The following CC2D2A variants were observed in gnomAD, a reference collection of about 807,000 sequenced individuals.
The protein encoded by CC2D2A is coiled-coil and C2 domain containing 2A, also known as coiled-coil and C2 domain-containing protein 2A.
In CC2D2A, 155 loss-of-function variants were observed where a neutral mutation model predicts 212.9. That is an observed-to-expected ratio of 0.73 (90% CI 0.64 to 0.83). CC2D2A has a LOEUF of 0.83. Among genes scored for constraint, CC2D2A ranks in the 40% least tolerant of loss-of-function variants. The pLI, the probability that CC2D2A is intolerant of heterozygous loss-of-function variation, is 0.00. For synonymous variants in CC2D2A, 667 were observed against 686.5 expected (o/e 0.97, Z 0.44); for missense variants, 1,856 against 1,956.2 (o/e 0.95, Z 0.97).
At chr4:15,516,067 C>T in intron 10 of CC2D2A, 63 bp downstream of exon 10, 1 of 1,433,400 alleles carries the variant, frequency 7.0e-7, no homozygotes, top group Non-Finnish European at 9.2e-7. Flanking sequence ...TTTTATTTTC[C>T]TAACAGGGCA....
At chr4:15,481,251 G>A (rs1029456472) in intron 4 of CC2D2A, 1 of 454,624 alleles carries the variant, frequency 2.2e-6, no homozygotes, top group African/African-American at 2.0e-5. Flanking sequence ...ACTCACGTCT[G>A]TAATCCCAGC....
chr4:15,501,796 A>G (rs1332056014), intron 4 of CC2D2A, among the ~76,000 whole-genome samples: 1 of 152,206 alleles, frequency 6.6e-6, no homozygotes, highest in Non-Finnish European at 1.5e-5. Context: ...CCTCACAAAG[A>G]TAGCAGAAAA....
chr4:15,597,428 C>A lies in CC2D2A; in HGVS notation c.4459C>A (p.Arg1487Ser). The change falls in exon 35 of 37, where the codon CGC (arginine) becomes AGC (serine). Residue 1487 changes from arginine (R) to serine (S), a missense_variant. This residue lies in a region of CC2D2A where 285 missense variants were observed against 278.4 expected (regional missense o/e 1.02). Transcript: ENST00000424120. ...ATAGCCTGAAGAGCTAATTTACCAG[C>A]GCTCAGACAAAGCAGCTGCAGCTGA... ...SVQPEELIYQ[R>S]SDKAAAAELQ... The A allele has an allele frequency of 1.3e-6, 2 of 1,552,668 alleles. No individual in the cohort carries two copies. Among genetic ancestry groups the A allele is most frequent in the South Asian group, 1.2e-5 (1 of 84,124 alleles).
intron 34 of CC2D2A, among the ~76,000 whole-genome samples, chr4:15,597,035 T>C (rs184325880): frequency 1.3e-5 from 2 of 152,312 alleles, no homozygotes; most frequent in South Asian, 2.1e-4. Flanking sequence ...TAGGGGTACA[T>C]GTATCTGTAA....
chr4:15,554,765 T>C (rs1719194043), intron 19 of CC2D2A, among the ~76,000 whole-genome samples: 1 of 152,240 alleles, frequency 6.6e-6, no homozygotes. Flanking sequence ...TTTGTGGGCT[T>C]CCAGCACCAG....
At chr4:15,474,499 A>G (rs1055011079) in intron 1 of CC2D2A, among the ~76,000 whole-genome samples, 8 of 152,202 alleles carry the variant, frequency 5.3e-5, no homozygotes, top group Non-Finnish European at 1.2e-4. Flanking sequence ...AAAAAATAGA[A>G]AGAATGAATG....
chr4:15,530,887 T>G (rs1717815786), intron 13 of CC2D2A, among the ~76,000 whole-genome samples: 1 of 151,814 alleles, frequency 6.6e-6, no homozygotes, highest in African/African-American at 2.4e-5. Context: ...CATTTTCCAT[T>G]TTATTTTCCA....
intron 30 of CC2D2A, among the ~76,000 whole-genome samples, chr4:15,585,340 G>A (rs1320963819): frequency 6.6e-6 from 1 of 152,192 alleles, no homozygotes; most frequent in Non-Finnish European, 1.5e-5. Context: ...TCTGTCATTT[G>A]CGACAACATG....
chr4:15,526,834 G>A (rs1717535890), intron 11 of CC2D2A, among the ~76,000 whole-genome samples: 1 of 152,108 alleles, frequency 6.6e-6, no homozygotes, highest in African/African-American at 2.4e-5. Context: ...TATACCAAAC[G>A]ATCCAAGACA....
intron 6 of CC2D2A, among the ~76,000 whole-genome samples, chr4:15,507,054 G>T (rs780500530): frequency 1.1e-4 from 17 of 151,068 alleles, no homozygotes; most frequent in Non-Finnish European, 2.5e-4. Context: ...CTCCAGTCTG[G>T]GTGACAGAAC....
chr4:15,584,578 G>T (rs1234063760), intron 30 of CC2D2A, among the ~76,000 whole-genome samples: 2 of 152,120 alleles, frequency 1.3e-5, no homozygotes, highest in Non-Finnish European at 2.9e-5. Context: ...AGTACTTCAT[G>T]AAATTTGGAG....
At chr4:15,541,477 T>C (rs1718443236) in intron 17 of CC2D2A, among the ~76,000 whole-genome samples, 3 of 152,096 alleles carry the variant, frequency 2.0e-5, no homozygotes, top group Admixed American at 2.0e-4. Flanking sequence ...TCTTAAAGTC[T>C]TGGAAGAAAG....
At chr4:15,505,570 G>A (rs542248905) in intron 6 of CC2D2A, among the ~76,000 whole-genome samples, 2 of 152,280 alleles carry the variant, frequency 1.3e-5, no homozygotes, top group African/African-American at 2.4e-5. Flanking sequence ...CAGCCAGTGG[G>A]GATATAGGGG....
intron 32 of CC2D2A, among the ~76,000 whole-genome samples, 171 bp from the exon 33 acceptor site, chr4:15,589,374 T>C (rs370857307): frequency 6.6e-6 from 1 of 152,174 alleles, no homozygotes; most frequent in African/African-American, 2.4e-5. Flanking sequence ...AGCATTCGAC[T>C]TTACTTTTTA....
chr4:15,500,113 A>G (rs76354949), intron 4 of CC2D2A, among the ~76,000 whole-genome samples: 63,319 of 125,782 alleles, frequency 0.5, 16,890 homozygotes, highest in Non-Finnish European at 0.63. Context: ...GTGTGTATAT[A>G]TATATATATA....
chr4:15,580,361 C>T (rs963802085), intron 30 of CC2D2A, among the ~76,000 whole-genome samples, 190 bp downstream of exon 30: 3 of 152,000 alleles, frequency 2.0e-5, no homozygotes, highest in Non-Finnish European at 4.4e-5. Flanking sequence ...TGAAGGCAGC[C>T]AGGCAGTGGC....
At position 15,563,472 on chromosome 4, in the gene CC2D2A, G is replaced by A. The variant is rs929422473; in HGVS notation, c.3132G>A (p.Leu1044=). Residue 1044 remains leucine, a synonymous_variant, in exon 24 of 37, where the codon CTG becomes CTA. Coordinates refer to ENST00000424120, the MANE Select transcript of CC2D2A (RefSeq NM_001378615.1). The stretch of plus-strand genomic sequence containing the variant: ...TGTCTGATGGAGACATAAAGCTGCT[G>A]GTGAACATTGTGCGAGCTTACGACA... ...QNLSDGDIKL[L]VNIVRAYDIP... is the part of the protein sequence containing the mutation. 4 of 1,612,274 alleles carry A rather than the reference G, an allele frequency of 2.5e-6. No individual in the cohort carries two copies. In the African/African-American group the frequency reaches 4.0e-5, roughly 16 times the overall value.
At chr4:15,520,533 T>C (rs1430093699) in intron 11 of CC2D2A, among the ~76,000 whole-genome samples, 3 of 152,176 alleles carry the variant, frequency 2.0e-5, no homozygotes, top group Admixed American at 6.5e-5. Context: ...GTAATTAATA[T>C]GGAGGGTAGG....
intron 35 of CC2D2A, among the ~76,000 whole-genome samples, chr4:15,598,877 T>C (rs1402969195): frequency 1.3e-5 from 2 of 152,158 alleles, no homozygotes; most frequent in Non-Finnish European, 2.9e-5. Flanking sequence ...AAACATTTCA[T>C]GGCCAAGCGC....
Sources: gnomAD v4.1 joint callset for allele counts (sites outside exome capture counted in the v4.1 genomes callset) on GRCh38, gnomAD v4.1.1 for gene constraint, gnomAD v4.1.1 regional missense constraint, MANE v1.5 for transcripts, NCBI Gene and HGNC (gene_info 2026-07-23, HGNC 2026-07-21) for gene names.